The following ADARB2 variants were observed in gnomAD, a reference collection of about 807,000 sequenced individuals.
The protein encoded by ADARB2 is inactive double-stranded RNA-specific editase B2.
ADARB2 carries 25 observed loss-of-function variants against 62.2 expected under a neutral mutation model. The ratio of observed to expected loss-of-function variants is 0.40; its 90% CI spans 0.29 to 0.56. ADARB2 has a LOEUF of 0.56. Ranked by LOEUF, ADARB2 falls within the 20% of genes least tolerant of loss-of-function variation. ADARB2 has a pLI of 0.43. For missense variants in ADARB2, 1,071 were observed against 1,077.4 expected (o/e 0.99, Z 0.08); for synonymous variants, 572 against 500.8 (o/e 1.14, Z -1.90).
chr10:1,710,955 T>A (rs151073042), intron 1 of ADARB2, among the ~76,000 whole-genome samples: 24 of 152,276 alleles, frequency 1.6e-4, no homozygotes, highest in African/African-American at 5.8e-4. Flanking sequence ...GAGGATCTAA[T>A]TTTTGGCCCA....
intron 1 of ADARB2, among the ~76,000 whole-genome samples, chr10:1,597,496 G>A (rs761883908): frequency 2.0e-5 from 3 of 152,152 alleles, no homozygotes; most frequent in Non-Finnish European, 2.9e-5. Context: ...CATATGAGGG[G>A]CCAAGAAACA....
intron 2 of ADARB2, among the ~76,000 whole-genome samples, chr10:1,371,581 A>G (rs12778422): frequency 0.33 from 50,185 of 151,890 alleles, 9,092 homozygotes; most frequent in Non-Finnish European, 0.41. Context: ...CGGAATCTGC[A>G]TGGAATTCAA....
rs193064664 is a variant in ADARB2, at chr10:1,504,986, C to A, written c.101-125826G>T. Among the ~76,000 whole-genome samples, 668 of 151,826 alleles carry A rather than the reference C, an allele frequency of 4.4e-3. 5 individuals carry two copies. Among genetic ancestry groups the A allele is most frequent in the African/African-American group, 0.015 (641 of 41,394 alleles). On this transcript the variant is annotated intron_variant, in intron 1 of 9. Coordinates refer to ENST00000381312, the MANE Select transcript of ADARB2 (RefSeq NM_018702.4). ...ACACACACAGACACACATACACATGCAATGCACACACATGCACACATGATG... is the reference window on the plus strand; with the variant it reads ...ACACACACAGACACACATACACATGAAATGCACACACATGCACACATGATG...
At chr10:1,587,635 T>C (rs2132005271) in intron 1 of ADARB2, among the ~76,000 whole-genome samples, 1 of 152,310 alleles carries the variant, frequency 6.6e-6, no homozygotes, top group East Asian at 1.9e-4. Flanking sequence ...CTCTTTCTTG[T>C]GCCTCAGCTG....
intron 6 of ADARB2, among the ~76,000 whole-genome samples, chr10:1,218,248 G>C (rs536952188): frequency 6.6e-6 from 1 of 151,848 alleles, no homozygotes; most frequent in Non-Finnish European, 1.5e-5. Flanking sequence ...ATGGGGTTTC[G>C]CCATGTTGGC....
At chr10:1,273,492 G>T (rs1831284201) in intron 3 of ADARB2, among the ~76,000 whole-genome samples, 1 of 152,186 alleles carries the variant, frequency 6.6e-6, no homozygotes, top group South Asian at 2.1e-4. Flanking sequence ...CGTCCACAAG[G>T]TGGGTGGCAG....
chr10:1,523,719 T>C (rs1299899192), intron 1 of ADARB2, among the ~76,000 whole-genome samples: 1 of 152,240 alleles, frequency 6.6e-6, no homozygotes, highest in Non-Finnish European at 1.5e-5. Context: ...ATGTTTTACC[T>C]TGAGGCTTAA....
At chr10:1,687,373 CTAAG>C (rs1834610734) in intron 1 of ADARB2, among the ~76,000 whole-genome samples, 1 of 151,952 alleles carries the variant, frequency 6.6e-6, no homozygotes. Flanking sequence ...TCCTCCCTGC[CTAAG>C]TAAAGGAAGA....
chr10:1,306,464 C>T (rs528624148), intron 3 of ADARB2, among the ~76,000 whole-genome samples: 186 of 152,070 alleles, frequency 1.2e-3, no homozygotes, highest in African/African-American at 4.1e-3. Flanking sequence ...GAATCAATAT[C>T]GTGAAAATGG....
rs371359804 is a variant in ADARB2, at chr10:1,504,522, C to T, written c.101-125362G>A. Among the ~76,000 whole-genome samples, 20 of 152,300 alleles carry T rather than the reference C, an allele frequency of 1.3e-4. 2 individuals carry two copies. The highest frequency in any genetic ancestry group is 4.8e-4 in the African/African-American group (20 of 41,574). On this transcript the variant is annotated intron_variant, in intron 1 of 9. Coordinates refer to ENST00000381312, the MANE Select transcript of ADARB2 (RefSeq NM_018702.4). ...GGAGTTCTGCTGCAGACCCCTGACT[C>T]GGCTGGCTGTGCACTGCGTGGAGCC...
At chr10:1,674,069 C>T (rs1473970040) in intron 1 of ADARB2, among the ~76,000 whole-genome samples, 1 of 152,238 alleles carries the variant, frequency 6.6e-6, no homozygotes, top group Non-Finnish European at 1.5e-5. Context: ...GCTGCAATCC[C>T]CTGAAGTCGA....
rs1022060013 is a variant in ADARB2 at position 1,363,016 on chromosome 10, C to T, written c.1077+12G>A. The T allele has an allele frequency of 2.2e-6, 3 of 1,350,560 alleles. No individual in the cohort carries two copies. Among genetic ancestry groups the T allele is most frequent in the Non-Finnish European group, 2.9e-6 (3 of 1,048,924 alleles). The allele number at this position is 1,350,560 out of a possible 1,614,324, so 83.7% of individuals were successfully genotyped here. A position where few individuals can be genotyped will look rare whatever the true frequency, so the allele number is the denominator to read the frequency against. On this transcript the variant is annotated intron_variant, in intron 3 of 9. Transcript: ENST00000381312. ...CGCCGCCCGTTCCCCCTGCACCCGCCGCGCCCCTCACCTGCGGCATTGGCG... is the reference window on the plus strand; with the variant it reads ...CGCCGCCCGTTCCCCCTGCACCCGCTGCGCCCCTCACCTGCGGCATTGGCG...
intron 7 of ADARB2, among the ~76,000 whole-genome samples, chr10:1,215,370 G>A (rs1237327489): frequency 6.6e-6 from 1 of 152,200 alleles, no homozygotes; most frequent in Non-Finnish European, 1.5e-5. Flanking sequence ...TCCCCAGATC[G>A]TGCTGTGGTT....
chr10:1,715,520 T>C (rs952037642), intron 1 of ADARB2, among the ~76,000 whole-genome samples: 61 of 152,198 alleles, frequency 4.0e-4, no homozygotes, highest in African/African-American at 1.5e-3. Context: ...CTAGGAAATG[T>C]AGGAAAGCTT....
At chr10:1,335,215 G>C (rs1385368403) in intron 3 of ADARB2, among the ~76,000 whole-genome samples, 3 of 150,818 alleles carry the variant, frequency 2.0e-5, no homozygotes, top group Admixed American at 2.0e-4. Flanking sequence ...TGGATGGATG[G>C]AGGGAGGGAA....
chr10:1,539,488 G>A (rs988395683), intron 1 of ADARB2, among the ~76,000 whole-genome samples: 4 of 152,184 alleles, frequency 2.6e-5, no homozygotes, highest in Admixed American at 2.0e-4. Flanking sequence ...TAACCTCTCC[G>A]GGACTAGGCT....
chr10:1,243,652 G>A (rs765761232), intron 4 of ADARB2, among the ~76,000 whole-genome samples: 2 of 152,170 alleles, frequency 1.3e-5, no homozygotes, highest in Admixed American at 1.3e-4. Context: ...GGGAGAATTC[G>A]GGGCCGGGAG....
intron 8 of ADARB2, chr10:1,199,764 G>C: frequency 1.9e-6 from 1 of 537,042 alleles, no homozygotes; most frequent in Non-Finnish European, 3.2e-6. Context: ...ATTCACATCA[G>C]GACCTGGCCT....
At chr10:1,402,358 G>A (rs768133715) in intron 1 of ADARB2, among the ~76,000 whole-genome samples, 11 of 152,170 alleles carry the variant, frequency 7.2e-5, no homozygotes, top group Admixed American at 3.3e-4. Context: ...TGGGGAGCCT[G>A]CCACGTGCCC....
Sources: allele counts gnomAD v4.1 joint callset (sites outside exome capture counted in the v4.1 genomes callset), GRCh38; gene constraint gnomAD v4.1.1; transcripts MANE v1.5; gene names NCBI Gene and HGNC (gene_info 2026-07-23, HGNC 2026-07-21).